Variants in NDUFS3 observed in about 807,000 individuals in gnomAD.
NDUFS3 encodes NADH:ubiquinone oxidoreductase core subunit S3.
In NDUFS3, 19 loss-of-function variants were observed where a neutral mutation model predicts 30.8. The observed-to-expected ratio is 0.62, with a 90% CI of 0.43 to 0.91. The LOEUF (loss-of-function observed/expected upper bound fraction) is 0.91. Among genes scored for constraint, NDUFS3 ranks in the 40% least tolerant of loss-of-function variants. The probability of loss-of-function intolerance (pLI) is 0.00; values close to 1 mark genes in which losing one functional copy is unlikely to be tolerated. For missense variants in NDUFS3, 331 were observed against 342.0 expected, an observed-to-expected ratio of 0.97 and a Z score of 0.25; for synonymous variants, 153 against 135.8, an observed-to-expected ratio of 1.13 and a Z score of -0.88.
At position 47,579,506 on chromosome 11, in the gene NDUFS3, G is replaced by C. The variant is rs990643154; in HGVS notation, c.133+172G>C. The C allele has an allele frequency of 5.5e-6, 4 of 732,348 alleles. 1 individual carries two copies. Among genetic ancestry groups the C allele is most frequent in the Middle Eastern group, 2.4e-4 (1 of 4,214 alleles). The allele number at this position is 732,348 out of a possible 1,614,324, so 45.4% of individuals were successfully genotyped here. A position where few individuals can be genotyped will look rare whatever the true frequency, so the allele number is the denominator to read the frequency against. On this transcript the variant is annotated intron_variant, in intron 2 of 6. Coordinates refer to ENST00000263774, the MANE Select transcript of NDUFS3 (RefSeq NM_004551.3). ...GAGCCCTCCCTGTGCCCTTAGGCCT[G>C]TTATGGCCCTGATTGTTCCTTGTCC...
At chr11:47,579,611 C>T in intron 2 of NDUFS3, 1 of 584,296 alleles carries the variant, frequency 1.7e-6, no homozygotes, top group Non-Finnish European at 3.1e-6. Flanking sequence ...CCTCAGAGCC[C>T]TGTAATAATA....
Position 47,582,177 on chromosome 11 carries a change from C to G in NDUFS3, c.471C>G (p.Val157=), listed in dbSNP as rs1199063720. 1.2e-6 allele frequency: 2 copies of G among 1,614,178 alleles called. No individual in the cohort carries two copies. Among genetic ancestry groups the G allele is most frequent in the East Asian group, 4.5e-5 (2 of 44,882 alleles). The change falls in exon 5 of 7, where the codon GTC becomes GTG. Residue 157 remains valine (V), a synonymous_variant. Coordinates refer to ENST00000263774, the MANE Select transcript of NDUFS3 (RefSeq NM_004551.3). ...AGCTGACGCCCATTGAGTCTGCTGTCTCTGTGTTCAAGGCAGCCAACTGGT... is the reference window on the plus strand; with the variant it reads ...AGCTGACGCCCATTGAGTCTGCTGTGTCTGTGTTCAAGGCAGCCAACTGGT... ...TDELTPIESA[V]SVFKAANWYE...
intron 5 of NDUFS3, 64 bp downstream of exon 5, chr11:47,582,277 G>C: frequency 6.2e-7 from 1 of 1,614,210 alleles, no homozygotes; most frequent in Non-Finnish European, 8.5e-7. Context: ...TCAGACTACG[G>C]GATGCAGTGT....
rs978555260 is a variant in NDUFS3, at chr11:47,584,562, A to C, written c.*81A>C. 7.1e-6 allele frequency: 11 copies of C among 1,556,062 alleles called. No homozygotes were observed. Among genetic ancestry groups the C allele is most frequent in the Non-Finnish European group, 9.7e-6 (11 of 1,135,730 alleles). On this transcript the variant is annotated 3_prime_UTR_variant, in exon 7 of 7. Transcript: ENST00000263774. ...TGTAAATAAATTCCTACTTAGACTTACCACTTTGTGTGTGCTTGTAATGTG... is the reference window on the plus strand; with the variant it reads ...TGTAAATAAATTCCTACTTAGACTTCCCACTTTGTGTGTGCTTGTAATGTG...
intron 2 of NDUFS3, among the ~76,000 whole-genome samples, chr11:47,580,270 G>C (rs1234455912): frequency 1.3e-5 from 2 of 152,204 alleles, no homozygotes; most frequent in Non-Finnish European, 2.9e-5. Context: ...AAGAACTGTG[G>C]AGTAATTTTG....
At chr11:47,583,232 G>A (rs1364379302) in intron 6 of NDUFS3, among the ~76,000 whole-genome samples, 2 of 151,942 alleles carry the variant, frequency 1.3e-5, no homozygotes, top group East Asian at 1.9e-4. Context: ...TGTATTTTTT[G>A]TAGAGACGGG....
intron 6 of NDUFS3, among the ~76,000 whole-genome samples, 195 bp from the exon 7 acceptor site, chr11:47,584,118 AC>A (rs1293604571): frequency 6.6e-6 from 1 of 152,078 alleles, no homozygotes; most frequent in Non-Finnish European, 1.5e-5. Context: ...TTGGAATCAC[AC>A]ACTCTAGCTG....
Position 47,584,324 on chromosome 11 carries a change from A to G in NDUFS3, c.638A>G (p.Asp213Gly). Residue 213 changes from aspartate to glycine, a missense_variant, in exon 7 of 7, where the codon GAT becomes GGT. Asp to Gly is a moderately conservative substitution (Grantham distance 94). Coordinates refer to ENST00000263774, the MANE Select transcript of NDUFS3 (RefSeq NM_004551.3). ...PLSGYVELRY[D>G]DEVKRVVAEP... is the part of the protein sequence containing the mutation. ...CTTTTGCTCCTGCAGTTACGTTATG[A>G]TGATGAAGTGAAGCGGGTGGTGGCA... The G allele has an allele frequency of 6.2e-7, 1 of 1,614,056 alleles. No individual in the cohort carries two copies. Among genetic ancestry groups the G allele is most frequent in the Non-Finnish European group, 8.5e-7 (1 of 1,179,990 alleles).
At chr11:47,581,530 T>C (rs1258214770) in intron 4 of NDUFS3, 2 of 221,996 alleles carry the variant, frequency 9.0e-6, no homozygotes, top group South Asian at 1.3e-4. Flanking sequence ...TATAGAATGG[T>C]TATAAGGATC....
In NDUFS3 at chr11:47,580,682, G is replaced by A. The variant is rs565887982; in HGVS notation, c.231+60G>A. The A allele has an allele frequency of 6.9e-6, 11 of 1,588,144 alleles. No homozygotes were observed. In the South Asian group the frequency reaches 8.8e-5, roughly 13 times the overall value. The stretch of plus-strand genomic sequence containing the variant: ...AGAAAGAACCATGTTCGCAGGGCAT[G>A]TGGGAGTGGGCAGACTTGTTTCAAA... On this transcript the variant is annotated intron_variant, in intron 3 of 6. Transcript: ENST00000263774.
intron 6 of NDUFS3, 48 bp from the exon 7 acceptor site, chr11:47,584,266 T>C (rs2097270078): frequency 6.2e-7 from 1 of 1,612,214 alleles, no homozygotes; most frequent in Non-Finnish European, 8.5e-7. Context: ...CCTGTGTAGC[T>C]ATAATAAGGA....
At chr11:47,583,402 C>T (rs554419707) in intron 6 of NDUFS3, among the ~76,000 whole-genome samples, 20 of 152,108 alleles carry the variant, frequency 1.3e-4, no homozygotes, top group East Asian at 7.8e-4. Context: ...GCAGCCTTGA[C>T]GACACAGTCT....
intron 4 of NDUFS3, 170 bp downstream of exon 4, chr11:47,581,154 G>A: frequency 1.3e-6 from 1 of 779,118 alleles, no homozygotes; most frequent in South Asian, 1.7e-5. Context: ...CAAATATTTT[G>A]TTTAATTTTT....
Position 47,580,574 on chromosome 11 carries a change from T to C in NDUFS3, c.183T>C (p.Phe61=). The change falls in exon 3 of 7, where the codon TTT becomes TTC. Residue 61 remains phenylalanine, a synonymous_variant. Coordinates refer to ENST00000263774, the MANE Select transcript of NDUFS3 (RefSeq NM_004551.3). The part of the protein sequence containing the change: ...NDVAHKQLSA[F]GEYVAEILPK... ...TGGCCCACAAGCAGCTCTCAGCTTT[T>C]GGAGAGTATGTGGCTGAAATCTTGC... The C allele has an allele frequency of 6.2e-7, 1 of 1,614,234 alleles. No homozygotes were observed. The highest frequency in any genetic ancestry group is 8.5e-7 in the Non-Finnish European group (1 of 1,180,044).
chr11:47,580,055 A>ACACG (rs1211362427), intron 2 of NDUFS3, among the ~76,000 whole-genome samples: 2 of 148,922 alleles, frequency 1.3e-5, no homozygotes, highest in Admixed American at 6.7e-5. Context: ...TCTCATTGAC[A>ACACG]CACACACACA....
intron 4 of NDUFS3, 134 bp downstream of exon 4, chr11:47,581,118 A>G: frequency 1.8e-6 from 2 of 1,108,172 alleles, no homozygotes; most frequent in East Asian, 2.4e-5. Context: ...TTCTGCCACT[A>G]AATGGCTGTG....
At chr11:47,580,768 T>C (rs577448500) in intron 3 of NDUFS3, 67 bp from the exon 4 acceptor site, 114 of 1,609,680 alleles carry the variant, frequency 7.1e-5, no homozygotes, top group Non-Finnish European at 9.4e-5. Context: ...ACCAGGTGAC[T>C]CCAGCTGAAG....
intron 6 of NDUFS3, 43 bp from the exon 7 acceptor site, chr11:47,584,271 T>G: frequency 1.2e-6 from 2 of 1,613,106 alleles, no homozygotes; most frequent in Middle Eastern, 1.8e-4. Flanking sequence ...GTAGCTATAA[T>G]AAGGACTTCC....
chr11:47,582,576 G>A, intron 6 of NDUFS3, 108 bp downstream of exon 6: 1 of 1,554,364 alleles, frequency 6.4e-7, no homozygotes, highest in South Asian at 1.1e-5. Flanking sequence ...GGTGGTTTAA[G>A]AGCATGGGCC....
Sources: allele counts gnomAD v4.1 joint callset (sites outside exome capture counted in the v4.1 genomes callset), GRCh38; gene constraint gnomAD v4.1.1; transcripts MANE v1.5; gene names NCBI Gene and HGNC (gene_info 2026-07-23, HGNC 2026-07-21).